DLGAP2: variants seen among roughly 807,000 people sequenced by gnomAD.
The protein encoded by DLGAP2 is DLG associated protein 2.
DLGAP2 carries 26 observed loss-of-function variants against 100.3 expected under a neutral mutation model. That is an observed-to-expected ratio of 0.26 (90% confidence interval 0.19 to 0.36). The LOEUF (loss-of-function observed/expected upper bound fraction) is 0.36. Among genes scored for constraint, DLGAP2 ranks in the 10% least tolerant of loss-of-function variants. DLGAP2 has a pLI of 1.00. For synonymous variants in DLGAP2, 886 were observed against 630.1 expected, an observed-to-expected ratio of 1.41 and a Z score of -6.08; for missense variants, 1,858 against 1,453.2, an observed-to-expected ratio of 1.28 and a Z score of -4.53.
intron 3 of DLGAP2, among the ~76,000 whole-genome samples, chr8:1,343,639 G>A (rs547877435): frequency 1.3e-5 from 2 of 152,220 alleles, no homozygotes; most frequent in South Asian, 4.1e-4. Context: ...TGCACGTCCT[G>A]TTTTTCCTTG....
At chr8:766,260 C>T (rs113377192) in intron 1 of DLGAP2, among the ~76,000 whole-genome samples, 11 of 152,218 alleles carry the variant, frequency 7.2e-5, no homozygotes, top group African/African-American at 2.4e-4. Context: ...TGCACACACA[C>T]CCTAGGTGTG....
intron 1 of DLGAP2, among the ~76,000 whole-genome samples, chr8:880,313 G>T (rs1050663022): frequency 6.6e-6 from 1 of 152,202 alleles, no homozygotes; most frequent in African/African-American, 2.4e-5. Flanking sequence ...CCGAGGCCAT[G>T]CGTCTTCTAG....
At chr8:1,459,014 G>C (rs111279807) in intron 3 of DLGAP2, among the ~76,000 whole-genome samples, 2 of 151,520 alleles carry the variant, frequency 1.3e-5, no homozygotes, top group Non-Finnish European at 2.9e-5. Flanking sequence ...ACCAGCATGC[G>C]TCCCAGACAG....
At chr8:820,503 C>T (rs1796564001) in intron 1 of DLGAP2, among the ~76,000 whole-genome samples, 1 of 152,024 alleles carries the variant, frequency 6.6e-6, no homozygotes, top group African/African-American at 2.4e-5. Context: ...ATTTATCCCC[C>T]AAAAGAAAAA....
chr8:1,490,012 C>T (rs1305515241), intron 3 of DLGAP2, among the ~76,000 whole-genome samples: 1 of 152,114 alleles, frequency 6.6e-6, no homozygotes, highest in Non-Finnish European at 1.5e-5. Flanking sequence ...CTGCCTCAGC[C>T]TCCCGAGTAG....
At chr8:1,364,003 G>A (rs1455354971) in intron 3 of DLGAP2, among the ~76,000 whole-genome samples, 1 of 152,210 alleles carries the variant, frequency 6.6e-6, no homozygotes, top group Non-Finnish European at 1.5e-5. Flanking sequence ...TCTGTCAGGT[G>A]CACCAGGTGG....
intron 3 of DLGAP2, among the ~76,000 whole-genome samples, chr8:1,445,918 C>G (rs1197257374): frequency 6.6e-6 from 1 of 152,214 alleles, no homozygotes; most frequent in Non-Finnish European, 1.5e-5. Flanking sequence ...ATATCATTCA[C>G]CAACTTTTTG....
chr8:1,212,788 C>G (rs1449213674), intron 2 of DLGAP2, among the ~76,000 whole-genome samples: 1 of 117,376 alleles, frequency 8.5e-6, no homozygotes, highest in African/African-American at 3.3e-5. Flanking sequence ...CCATGATTAG[C>G]ATTTTAATTG....
At chr8:940,313 G>T (rs867458453) in intron 2 of DLGAP2, among the ~76,000 whole-genome samples, 3 of 152,056 alleles carry the variant, frequency 2.0e-5, no homozygotes, top group Non-Finnish European at 4.4e-5. Context: ...CCTGCGACAT[G>T]AGGTGGTCCT....
intron 5 of DLGAP2, among the ~76,000 whole-genome samples, chr8:1,555,320 G>A (rs964364550): frequency 6.6e-6 from 1 of 152,178 alleles, no homozygotes; most frequent in Non-Finnish European, 1.5e-5. Context: ...GCCTCCTTGA[G>A]ACAAAGCGGT....
intron 6 of DLGAP2, among the ~76,000 whole-genome samples, chr8:1,590,139 C>G (rs1796247495): frequency 6.6e-6 from 1 of 152,160 alleles, no homozygotes; most frequent in South Asian, 2.1e-4. Flanking sequence ...GTCCCTTCTC[C>G]TCTTCTCATA....
chr8:792,358 C>G (rs1245372557), intron 1 of DLGAP2, among the ~76,000 whole-genome samples: 1 of 151,954 alleles, frequency 6.6e-6, no homozygotes, highest in African/African-American at 2.4e-5. Flanking sequence ...TTTATTTTTC[C>G]CTTCCTAATA....
At chr8:1,260,205 T>TAAA (rs1799317890) in intron 3 of DLGAP2, among the ~76,000 whole-genome samples, 1 of 151,978 alleles carries the variant, frequency 6.6e-6, no homozygotes, top group South Asian at 2.1e-4. Context: ...GTCTGTTGGG[T>TAAA]GTTTGAAAGC....
chr8:1,267,005 G>A (rs181701617), intron 3 of DLGAP2, among the ~76,000 whole-genome samples: 1 of 152,032 alleles, frequency 6.6e-6, no homozygotes, highest in East Asian at 2.0e-4. Context: ...TAGGTGGGCA[G>A]ATCACAAGGT....
intron 1 of DLGAP2, among the ~76,000 whole-genome samples, chr8:857,907 G>T (rs901247325): frequency 8.7e-5 from 13 of 150,162 alleles, no homozygotes; most frequent in Admixed American, 7.3e-4. Flanking sequence ...CCTCGCTCTT[G>T]TTGCCCAGGC....
intron 7 of DLGAP2, among the ~76,000 whole-genome samples, chr8:1,631,068 G>C (rs1797633290): frequency 6.6e-6 from 1 of 152,066 alleles, no homozygotes; most frequent in African/African-American, 2.4e-5. Flanking sequence ...GTCTGGGCGG[G>C]AGGTCCGGGT....
chr8:1,264,689 A>T (rs1799417450), intron 3 of DLGAP2, among the ~76,000 whole-genome samples: 1 of 152,178 alleles, frequency 6.6e-6, no homozygotes, highest in Non-Finnish European at 1.5e-5. Flanking sequence ...ACTATAAAAT[A>T]GTACCCACTT....
intron 3 of DLGAP2, among the ~76,000 whole-genome samples, chr8:1,441,505 T>G (rs1326594634): frequency 6.6e-6 from 1 of 151,902 alleles, no homozygotes; most frequent in East Asian, 1.9e-4. Flanking sequence ...CTGGCAAACA[T>G]GGTGAAACCC....
At chr8:1,193,061 C>T (rs898813403) in intron 2 of DLGAP2, among the ~76,000 whole-genome samples, 2 of 152,096 alleles carry the variant, frequency 1.3e-5, no homozygotes, top group Non-Finnish European at 2.9e-5. Flanking sequence ...TTTTCTTAAT[C>T]CAGTCTATCA....
Sources: gnomAD v4.1 joint callset for allele counts (sites outside exome capture counted in the v4.1 genomes callset) on GRCh38, gnomAD v4.1.1 for gene constraint, MANE v1.5 for transcripts, NCBI Gene and HGNC (gene_info 2026-07-23, HGNC 2026-07-21) for gene names.